MAP4K3: variants seen among roughly 807,000 people sequenced by gnomAD.
The protein encoded by MAP4K3 is MAPK/ERK kinase kinase kinase 3.
MAP4K3 carries 94 observed loss-of-function variants against 143.5 expected under a neutral mutation model. The ratio of observed to expected loss-of-function variants is 0.65; its 90% CI spans 0.55 to 0.78. The LOEUF (loss-of-function observed/expected upper bound fraction) is 0.78. MAP4K3 is among the 30% of genes least tolerant of loss of function. The pLI is 0.00. For missense variants in MAP4K3, 1,077 were observed against 1,068.1 expected, an observed-to-expected ratio of 1.01 and a Z score of -0.12; for synonymous variants, 416 against 347.2, an observed-to-expected ratio of 1.20 and a Z score of -2.20.
rs190054923 is a variant in MAP4K3, at chr2:39,310,742, G to A, written c.998-1223C>T. 6.6e-5 allele frequency among the ~76,000 whole-genome samples: 10 copies of A among 152,200 alleles called. 1 individual carries two copies. In the East Asian group the frequency reaches 1.5e-3, roughly 23 times the overall value. ...TTCCCTTTTCTCTGCATTTTCACCA[G>A]CATGTGTTATTTTTTGGCTTTTTAA... is the stretch of plus-strand genomic sequence containing the variant. On this transcript the variant is annotated intron_variant, in intron 13 of 33. Transcript: ENST00000263881.
At chr2:39,287,736 T>C (rs1681860325) in intron 20 of MAP4K3, among the ~76,000 whole-genome samples, 1 of 152,202 alleles carries the variant, frequency 6.6e-6, no homozygotes, top group Non-Finnish European at 1.5e-5. Flanking sequence ...TTAGAAATGA[T>C]TAAATGAAAT....
rs1665309521 is a variant in MAP4K3, at chr2:39,346,938, C to T, written c.246-3486G>A. On this transcript the variant is annotated intron_variant, in intron 3 of 33. Transcript: ENST00000263881. ...AGAATGCAGGATTCCATAACCTGAT[C>T]TCTATAGGTTAGTTGAATCCTTCCT... 3.3e-5 allele frequency among the ~76,000 whole-genome samples: 5 copies of T among 151,854 alleles called. No homozygotes were observed. The South Asian group carries it at 1.0e-3, about 32-fold the overall frequency.
At chr2:39,418,730 A>G (rs1377413889) in intron 1 of MAP4K3, among the ~76,000 whole-genome samples, 1 of 151,320 alleles carries the variant, frequency 6.6e-6, no homozygotes, top group Admixed American at 6.6e-5. Context: ...AACCATGAGA[A>G]AAAAAAAAAC....
intron 1 of MAP4K3, among the ~76,000 whole-genome samples, chr2:39,392,183 CAAA>C (rs3086434): frequency 0.021 from 1,464 of 68,996 alleles, 25 homozygotes; most frequent in African/African-American, 0.08. Flanking sequence ...CACTCCTACT[CAAA>C]AAAAAAAAAA....
rs79189110 is a variant in MAP4K3, at chr2:39,257,863, T to C, written c.2470+485A>G. Among the ~76,000 whole-genome samples, 704 of 152,012 alleles carry C rather than the reference T, an allele frequency of 4.6e-3. 11 individuals carry two copies. Among genetic ancestry groups the C allele is most frequent in the African/African-American group, 0.016 (672 of 41,420 alleles). The stretch of plus-strand genomic sequence containing the variant: ...GAAGATAACATTATCTACACTACAG[T>C]TATTAAACTATTTTAGAAAATGTGT... On this transcript the variant is annotated intron_variant, in intron 31 of 33. Transcript: ENST00000263881.
chr2:39,363,748 C>T (rs904395199), intron 2 of MAP4K3, among the ~76,000 whole-genome samples: 5 of 147,732 alleles, frequency 3.4e-5, no homozygotes, highest in African/African-American at 1.2e-4. Context: ...CATTTCACAA[C>T]ATACATATGC....
rs571527461 is a variant in MAP4K3, at chr2:39,268,519, C to T, written c.1974-1272G>A. Among the ~76,000 whole-genome samples, 4 of 151,342 alleles carry T rather than the reference C, an allele frequency of 2.6e-5. No homozygotes were observed. The East Asian group carries it at 7.8e-4, about 30-fold the overall frequency. ...TATTTTTAGTAGAGACGGGGTTGTG[C>T]CACTTTGCCCAAGCTGGTCTCGGAC... is the stretch of plus-strand genomic sequence containing the variant. On this transcript the variant is annotated intron_variant, in intron 26 of 33. Transcript: ENST00000263881.
At chr2:39,278,168 G>C (rs1025733015) in intron 24 of MAP4K3, among the ~76,000 whole-genome samples, 2 of 151,932 alleles carry the variant, frequency 1.3e-5, no homozygotes, top group African/African-American at 4.8e-5. Context: ...TCTACTCCCA[G>C]CTACTTGGGA....
At chr2:39,362,291 G>T (rs866484719) in intron 2 of MAP4K3, among the ~76,000 whole-genome samples, 24 of 152,240 alleles carry the variant, frequency 1.6e-4, no homozygotes, top group African/African-American at 5.1e-4. Context: ...AAAGGAAAAA[G>T]TAACATTATA....
intron 1 of MAP4K3, among the ~76,000 whole-genome samples, chr2:39,415,996 TATATATATAAAA>T (rs1276091208): frequency 1.1e-5 from 1 of 90,968 alleles, no homozygotes; most frequent in African/African-American, 4.4e-5. Context: ...TATATATATA[TATATATATAAAA>T]ATAACATTTG....
Position 39,250,561 on chromosome 2 carries a change from A to C in MAP4K3, c.*57T>G, listed in dbSNP as rs557010125. The stretch of plus-strand genomic sequence containing the variant: ...TTTGTACAGCTTCAAGCATCCATTA[A>C]TGTTGCAGTGGTAGTGTTCTTTCTT... On this transcript the variant is annotated 3_prime_UTR_variant, in exon 34 of 34. Transcript: ENST00000263881. 1.0e-5 allele frequency: 15 copies of C among 1,460,628 alleles called. No homozygotes were observed. The South Asian group carries it at 1.7e-4, about 17-fold the overall frequency. 90.5% of individuals were successfully genotyped at this position (1,460,628 alleles called of 1,614,324 possible).
intron 3 of MAP4K3, among the ~76,000 whole-genome samples, chr2:39,345,319 G>C (rs1312674436): frequency 6.6e-6 from 1 of 151,828 alleles, no homozygotes; most frequent in Admixed American, 6.6e-5. Context: ...TGCAGGGCGG[G>C]GCGGGGCGTA....
At chr2:39,353,666 C>A (rs1665521433) in intron 3 of MAP4K3, among the ~76,000 whole-genome samples, 1 of 152,098 alleles carries the variant, frequency 6.6e-6, no homozygotes, top group Non-Finnish European at 1.5e-5. Flanking sequence ...ATACTGCTAT[C>A]CAGGTTGCTG....
At chr2:39,385,583 T>TATAC (rs1213719818) in intron 1 of MAP4K3, among the ~76,000 whole-genome samples, 6 of 77,248 alleles carry the variant, frequency 7.8e-5, no homozygotes, top group African/African-American at 1.8e-4. Flanking sequence ...TATATATATA[T>TATAC]ATATATATAT....
intron 12 of MAP4K3, among the ~76,000 whole-genome samples, chr2:39,320,740 G>GA (rs1683273670): frequency 6.6e-6 from 1 of 152,038 alleles, no homozygotes; most frequent in Non-Finnish European, 1.5e-5. Flanking sequence ...CTCACACTAA[G>GA]GTCTCTCAAC....
At chr2:39,394,780 G>A (rs959133250) in intron 1 of MAP4K3, among the ~76,000 whole-genome samples, 5 of 152,102 alleles carry the variant, frequency 3.3e-5, no homozygotes, top group African/African-American at 1.2e-4. Flanking sequence ...CCAAGGATAC[G>A]ACTAAACAGA....
At chr2:39,312,548 T>C (rs1170920922) in intron 13 of MAP4K3, among the ~76,000 whole-genome samples, 3 of 152,212 alleles carry the variant, frequency 2.0e-5, no homozygotes, top group African/African-American at 7.2e-5. Flanking sequence ...GATTTGAATA[T>C]TTAGCAATAG....
In MAP4K3 at chr2:39,251,820, G is replaced by A. The variant is rs764685385; in HGVS notation, c.2597+10C>T. On this transcript the variant is annotated intron_variant, in intron 33 of 33. Coordinates refer to ENST00000263881, the MANE Select transcript of MAP4K3 (RefSeq NM_003618.4). Reference sequence around the variant, plus strand: ...TAGTACTGTGTATTTAATACAGTCCGTTTTCATACCTGTCAGATCCAAGCA... The same window carrying A: ...TAGTACTGTGTATTTAATACAGTCCATTTTCATACCTGTCAGATCCAAGCA... The A allele has an allele frequency of 5.6e-5, 91 of 1,611,674 alleles. No homozygotes were observed. The highest frequency in any genetic ancestry group is 1.7e-4 in the African/African-American group (13 of 74,860).
chr2:39,395,160 C>A (rs961391273), intron 1 of MAP4K3, among the ~76,000 whole-genome samples: 5 of 152,078 alleles, frequency 3.3e-5, no homozygotes, highest in African/African-American at 1.2e-4. Context: ...AGAAATAACA[C>A]CAACACATAA....
Sources: allele counts gnomAD v4.1 joint callset (sites outside exome capture counted in the v4.1 genomes callset), GRCh38; gene constraint gnomAD v4.1.1; transcripts MANE v1.5; gene names NCBI Gene and HGNC (gene_info 2026-07-23, HGNC 2026-07-21).